Variants in DAB1 observed in about 807,000 individuals in gnomAD.
DAB1 encodes disabled homolog 1.
DAB1 carries 15 observed loss-of-function variants against 64.6 expected under a neutral mutation model. The ratio of observed to expected loss-of-function variants is 0.23; its 90% confidence interval spans 0.16 to 0.36. The LOEUF (loss-of-function observed/expected upper bound fraction) is 0.36. Among genes scored for constraint, DAB1 ranks in the 10% least tolerant of loss-of-function variants. The pLI is 1.00. For synonymous variants in DAB1, 235 were observed against 251.9 expected, an observed-to-expected ratio of 0.93 and a Z score of 0.64; for missense variants, 596 against 706.7, an observed-to-expected ratio of 0.84 and a Z score of 1.78.
upstream of DAB1, among the ~76,000 whole-genome samples, chr1:57,887,775 C>A (rs1356352503): frequency 1.3e-5 from 2 of 151,944 alleles, no homozygotes; most frequent in African/African-American, 4.8e-5. Flanking sequence ...GAGAAAAATC[C>A]CAAATGAATA....
In DAB1 at chr1:57,316,079, G is replaced by A. The variant is rs139435414; in HGVS notation, c.-136-24913C>T. Among the ~76,000 whole-genome samples the A allele has an allele frequency of 1.7e-4, 26 of 152,290 alleles. 1 individual carries two copies. The East Asian group carries it at 5.0e-3, about 29-fold the overall frequency. The stretch of plus-strand genomic sequence containing the variant: ...AAATTCCCTCTTAGTAAGTGACGAA[G>A]CCTATTGTCCAGTCCTAAACCAGTG... On this transcript the variant is annotated intron_variant, in intron 1 of 14. Transcript: ENST00000371236.
At chr1:57,661,381 G>A (rs1646384650) in intron 6 of DAB1, among the ~76,000 whole-genome samples, 1 of 152,216 alleles carries the variant, frequency 6.6e-6, no homozygotes, top group Non-Finnish European at 1.5e-5. Context: ...ATAAAATGGG[G>A]ATGATTCCTA....
intron 4 of DAB1, among the ~76,000 whole-genome samples, chr1:58,177,209 G>T (rs1389764457): frequency 6.6e-6 from 1 of 152,132 alleles, no homozygotes; most frequent in Non-Finnish European, 1.5e-5. Context: ...CTTGGGAACC[G>T]AGGTCAGCAC....
At chr1:58,043,080 C>T (rs567882924) in intron 5 of DAB1, among the ~76,000 whole-genome samples, 1 of 152,168 alleles carries the variant, frequency 6.6e-6, no homozygotes, top group Non-Finnish European at 1.5e-5. Flanking sequence ...AATGTCCTGA[C>T]AGTATATTCC....
intron 1 of DAB1, among the ~76,000 whole-genome samples, chr1:57,313,579 T>A (rs1374402801): frequency 6.6e-6 from 1 of 152,026 alleles, no homozygotes; most frequent in East Asian, 1.9e-4. Flanking sequence ...AATAAAAAAG[T>A]GGAATTGATG....
At chr1:57,317,552 A>AC (rs1348501151) in intron 1 of DAB1, among the ~76,000 whole-genome samples, 2 of 152,012 alleles carry the variant, frequency 1.3e-5, no homozygotes, top group Non-Finnish European at 2.9e-5. Context: ...GCTCACTTCT[A>AC]CCCCACTCCT....
intron 3 of DAB1, among the ~76,000 whole-genome samples, chr1:58,415,819 C>T (rs1018971525): frequency 6.6e-6 from 1 of 152,206 alleles, no homozygotes; most frequent in African/African-American, 2.4e-5. Context: ...AGCAGCCAGA[C>T]TGTCTGGGTT....
At chr1:58,219,134 C>T (rs1021966844) in intron 4 of DAB1, among the ~76,000 whole-genome samples, 1 of 151,966 alleles carries the variant, frequency 6.6e-6, no homozygotes, top group African/African-American at 2.4e-5. Flanking sequence ...GCTCTGCACC[C>T]ACAGCCCAGC....
chr1:58,108,598 T>C (rs933119202), intron 5 of DAB1, among the ~76,000 whole-genome samples: 2 of 152,236 alleles, frequency 1.3e-5, no homozygotes, highest in African/African-American at 2.4e-5. Context: ...TCTTCAGAGA[T>C]GGTGCCCGGG....
chr1:57,086,532 G>A (rs1458297056), intron 4 of DAB1, among the ~76,000 whole-genome samples: 2 of 152,122 alleles, frequency 1.3e-5, no homozygotes, highest in Admixed American at 1.3e-4. Context: ...GTGAGCCGAA[G>A]ATAAATCCTG....
chr1:58,430,274 G>A (rs553890519), intron 3 of DAB1, among the ~76,000 whole-genome samples: 1 of 152,338 alleles, frequency 6.6e-6, no homozygotes, highest in South Asian at 2.1e-4. Flanking sequence ...ATAGTGCAGG[G>A]CACTGGTATA....
intron 4 of DAB1, among the ~76,000 whole-genome samples, chr1:58,323,266 T>TAATAAA (rs1662737222): frequency 7.5e-6 from 1 of 132,790 alleles, no homozygotes; most frequent in African/African-American, 2.8e-5. Flanking sequence ...ATAATAATAA[T>TAATAAA]AAAATATTCA....
At chr1:57,606,554 A>G (rs1570668346) in intron 7 of DAB1, among the ~76,000 whole-genome samples, 1 of 113,972 alleles carries the variant, frequency 8.8e-6, no homozygotes, top group South Asian at 2.3e-4. Flanking sequence ...ATAATATAAT[A>G]TATTATATAT....
At chr1:58,498,239 G>T (rs1030532733) in intron 3 of DAB1, among the ~76,000 whole-genome samples, 24 of 148,598 alleles carry the variant, frequency 1.6e-4, no homozygotes, top group African/African-American at 5.9e-4. Flanking sequence ...AAAACTAAAA[G>T]TTAAAAAAAA....
At chr1:58,491,695 C>G (rs557524563) in intron 3 of DAB1, among the ~76,000 whole-genome samples, 1 of 152,060 alleles carries the variant, frequency 6.6e-6, no homozygotes, top group East Asian at 1.9e-4. Flanking sequence ...TAAAGGGATC[C>G]ATTCAACAAG....
chr1:57,127,342 C>T (rs1210379492), intron 4 of DAB1, among the ~76,000 whole-genome samples: 1 of 152,136 alleles, frequency 6.6e-6, no homozygotes, highest in Non-Finnish European at 1.5e-5. Context: ...ACTCAGTTGA[C>T]CCTCAAAGTT....
At chr1:57,188,802 CTA>C (rs1663847535) in intron 2 of DAB1, among the ~76,000 whole-genome samples, 1 of 152,222 alleles carries the variant, frequency 6.6e-6, no homozygotes, top group African/African-American at 2.4e-5. Flanking sequence ...CATTAACTCA[CTA>C]TACTACTTCA....
chr1:57,035,306 A>G (rs1647105529), intron 9 of DAB1, among the ~76,000 whole-genome samples: 2 of 152,204 alleles, frequency 1.3e-5, no homozygotes, highest in Admixed American at 6.5e-5. Context: ...CATCTGTCCA[A>G]TATAAAAAAG....
intron 5 of DAB1, among the ~76,000 whole-genome samples, chr1:58,000,924 A>G (rs993056093): frequency 1.3e-5 from 2 of 149,608 alleles, no homozygotes; most frequent in African/African-American, 2.5e-5. Context: ...TCTCCTGTCA[A>G]TCTCTTTCTC....
Sources: allele counts gnomAD v4.1 joint callset (sites outside exome capture counted in the v4.1 genomes callset), GRCh38; gene constraint gnomAD v4.1.1; transcripts MANE v1.5; gene names NCBI Gene and HGNC (gene_info 2026-07-23, HGNC 2026-07-21).